PCSK2: variants seen among roughly 807,000 people sequenced by gnomAD.
PCSK2 encodes proprotein convertase subtilisin/kexin type 2.
PCSK2 carries 14 observed loss-of-function variants against 69.7 expected under a neutral mutation model. That is an observed-to-expected ratio of 0.20 (90% CI 0.13 to 0.31). The LOEUF is 0.31. PCSK2 is among the 10% of genes least tolerant of loss of function. The probability of loss-of-function intolerance (pLI) is 1.00; values close to 1 mark genes in which losing one functional copy is unlikely to be tolerated. For synonymous variants in PCSK2, 307 were observed against 320.7 expected (o/e 0.96, Z 0.46); for missense variants, 544 against 842.5 (o/e 0.65, Z 4.39).
At chr20:17,240,633 C>T (rs566043698) in intron 1 of PCSK2, among the ~76,000 whole-genome samples, 11 of 152,272 alleles carry the variant, frequency 7.2e-5, no homozygotes, top group Non-Finnish European at 1.0e-4. Context: ...AATTGAGGTT[C>T]GTCAGAGGCT....
At chr20:17,307,119 A>G (rs1989350415) in intron 2 of PCSK2, among the ~76,000 whole-genome samples, 1 of 152,210 alleles carries the variant, frequency 6.6e-6, no homozygotes, top group African/African-American at 2.4e-5. Context: ...ATGCAGAGTT[A>G]TTTCACAGGC....
At chr20:17,273,751 A>G (rs1987954496) in intron 2 of PCSK2, among the ~76,000 whole-genome samples, 1 of 152,206 alleles carries the variant, frequency 6.6e-6, no homozygotes, top group African/African-American at 2.4e-5. Flanking sequence ...TTTAACTCCC[A>G]ATGGTTTAAT....
At chr20:17,435,204 A>G (rs1186818916) in intron 7 of PCSK2, among the ~76,000 whole-genome samples, 3 of 152,230 alleles carry the variant, frequency 2.0e-5, no homozygotes, top group Non-Finnish European at 4.4e-5. Context: ...GAGAAAATCA[A>G]CTAAATAAGG....
chr20:17,477,134 G>C (rs1311404750), intron 11 of PCSK2, among the ~76,000 whole-genome samples: 3 of 152,136 alleles, frequency 2.0e-5, no homozygotes, highest in African/African-American at 7.2e-5. Context: ...TGGTTCCTAG[G>C]GCAATGCAGA....
intron 5 of PCSK2, among the ~76,000 whole-genome samples, chr20:17,403,770 G>A (rs1005490607): frequency 3.9e-5 from 6 of 152,312 alleles, no homozygotes; most frequent in East Asian, 1.9e-4. Context: ...CGTTGTACTC[G>A]TGATCATAAA....
intron 11 of PCSK2, among the ~76,000 whole-genome samples, chr20:17,466,189 G>A (rs900707419): frequency 4.6e-5 from 7 of 152,184 alleles, no homozygotes; most frequent in East Asian, 3.9e-4. Flanking sequence ...GCCCCCTGCC[G>A]TGACCACTGC....
At chr20:17,409,165 A>C in intron 5 of PCSK2, 98 bp from the exon 6 acceptor site, 1 of 878,974 alleles carries the variant, frequency 1.1e-6, no homozygotes, top group Non-Finnish European at 1.9e-6. Flanking sequence ...CTAATCCAGC[A>C]CTCCAGGGAG....
intron 2 of PCSK2, among the ~76,000 whole-genome samples, chr20:17,315,523 C>G (rs1185653240): frequency 6.6e-6 from 1 of 152,182 alleles, no homozygotes; most frequent in African/African-American, 2.4e-5. Flanking sequence ...TCCCGGGTCT[C>G]TGTCGGACCT....
intron 8 of PCSK2, 32 bp downstream of exon 8, chr20:17,436,915 C>G (rs1450181295): frequency 1.5e-5 from 24 of 1,556,854 alleles, no homozygotes; most frequent in Non-Finnish European, 2.0e-5. Flanking sequence ...GCCCCGGCCA[C>G]TCACAAGTTG....
intron 2 of PCSK2, among the ~76,000 whole-genome samples, chr20:17,332,834 C>A (rs1990239878): frequency 6.6e-6 from 1 of 152,084 alleles, no homozygotes; most frequent in Admixed American, 6.5e-5. Flanking sequence ...ATGCACCCTG[C>A]CTTTATTTTA....
chr20:17,468,868 C>T (rs1354291022), intron 11 of PCSK2, among the ~76,000 whole-genome samples: 2 of 152,274 alleles, frequency 1.3e-5, no homozygotes, highest in African/African-American at 4.8e-5. Context: ...CATGAGTGAG[C>T]ATCCTCATTG....
chr20:17,328,299 G>A (rs1335578210), intron 2 of PCSK2, among the ~76,000 whole-genome samples: 1 of 151,140 alleles, frequency 6.6e-6, no homozygotes, highest in Admixed American at 6.6e-5. Flanking sequence ...TCCTTCCCAT[G>A]TATGTGTGTG....
intron 2 of PCSK2, among the ~76,000 whole-genome samples, chr20:17,335,845 G>A (rs1990334871): frequency 7.2e-6 from 1 of 139,566 alleles, no homozygotes; most frequent in Non-Finnish European, 1.5e-5. Flanking sequence ...TTCTGGCTGA[G>A]TAGTAGTCCA....
intron 7 of PCSK2, among the ~76,000 whole-genome samples, chr20:17,431,777 G>T (rs1388996176): frequency 6.6e-6 from 1 of 152,190 alleles, no homozygotes; most frequent in Non-Finnish European, 1.5e-5. Context: ...TACAAAAACA[G>T]CAGAGTTTAT....
chr20:17,245,907 C>T (rs142918467), intron 1 of PCSK2, among the ~76,000 whole-genome samples: 281 of 152,242 alleles, frequency 1.8e-3, no homozygotes, highest in African/African-American at 6.4e-3. Context: ...TTACCTGATT[C>T]GCTTAGTTAG....
intron 1 of PCSK2, among the ~76,000 whole-genome samples, chr20:17,257,359 G>C (rs563106906): frequency 2.6e-4 from 39 of 152,324 alleles, no homozygotes; most frequent in African/African-American, 8.9e-4. Context: ...GTGGAAGATG[G>C]TGTGGCAATT....
rs112348007 is a variant in PCSK2, at chr20:17,381,778, C to T, written c.543+12501C>T. Among the ~76,000 whole-genome samples the T allele has an allele frequency of 4.4e-3, 671 of 152,200 alleles. 5 individuals are homozygous for T. The highest frequency in any genetic ancestry group is 0.015 in the African/African-American group (618 of 41,528). ...CCACCCTCCCTTTTTTTCTCCACAA[C>T]ACCCCACAAGCATACACACACATAT... On this transcript the variant is annotated intron_variant, in intron 5 of 11. Transcript: ENST00000262545.
intron 2 of PCSK2, among the ~76,000 whole-genome samples, chr20:17,276,447 C>CACAT (rs1362639072): frequency 1.1e-5 from 1 of 91,574 alleles, no homozygotes; most frequent in Non-Finnish European, 2.5e-5. Context: ...TTAAATTCAA[C>CACAT]ACACACACAC....
intron 5 of PCSK2, among the ~76,000 whole-genome samples, chr20:17,384,550 C>T (rs2031182747): frequency 6.6e-6 from 1 of 151,970 alleles, no homozygotes; most frequent in Non-Finnish European, 1.5e-5. Context: ...TGCAGTGAGC[C>T]AAGATAGTGC....
Sources: allele counts gnomAD v4.1 joint callset (sites outside exome capture counted in the v4.1 genomes callset), GRCh38; gene constraint gnomAD v4.1.1; transcripts MANE v1.5; gene names NCBI Gene and HGNC (gene_info 2026-07-23, HGNC 2026-07-21).